The following ATP8A2 variants were observed in gnomAD, a reference collection of about 807,000 sequenced individuals.
The protein encoded by ATP8A2 is ATPase phospholipid transporting 8A2.
ATP8A2 carries 100 observed loss-of-function variants against 165.6 expected under a neutral mutation model. The observed-to-expected ratio is 0.60, with a 90% CI of 0.51 to 0.71. The LOEUF (loss-of-function observed/expected upper bound fraction) is 0.71. Ranked by LOEUF, ATP8A2 falls within the 30% of genes least tolerant of loss-of-function variation. The probability of loss-of-function intolerance (pLI) is 0.00; values close to 1 mark genes in which losing one functional copy is unlikely to be tolerated. For synonymous variants in ATP8A2, 543 were observed against 548.8 expected (o/e 0.99, Z 0.15); for missense variants, 1,227 against 1,479.5 (o/e 0.83, Z 2.80).
chr13:25,676,834 G>C (rs1473386639), intron 24 of ATP8A2, among the ~76,000 whole-genome samples: 2 of 152,102 alleles, frequency 1.3e-5, no homozygotes, highest in African/African-American at 4.8e-5. Flanking sequence ...CTTATTGGTA[G>C]AGTTATTCAA....
intron 33 of ATP8A2, among the ~76,000 whole-genome samples, chr13:25,875,235 A>G (rs1006520951): frequency 6.6e-5 from 10 of 151,958 alleles, no homozygotes; most frequent in Admixed American, 5.2e-4. Context: ...AAGATAGTAA[A>G]TCTTAAGTTT....
chr13:25,731,221 A>G (rs182222690), intron 25 of ATP8A2, among the ~76,000 whole-genome samples: 8 of 151,062 alleles, frequency 5.3e-5, no homozygotes, highest in Non-Finnish European at 4.4e-5. Context: ...AAGAGAAAGA[A>G]GAAAGAAGGA....
At chr13:25,571,780 G>A (rs1163087506) in intron 18 of ATP8A2, 88 bp downstream of exon 18, 2 of 1,139,950 alleles carry the variant, frequency 1.8e-6, no homozygotes, top group Non-Finnish European at 2.7e-6. Context: ...AAATATGATA[G>A]CTAAATTTCT....
chr13:25,855,679 A>G (rs1453965669), intron 30 of ATP8A2, among the ~76,000 whole-genome samples: 1 of 152,136 alleles, frequency 6.6e-6, no homozygotes, highest in African/African-American at 2.4e-5. Flanking sequence ...TTGGATGTGT[A>G]CCTAGGAGTA....
chr13:25,564,213 T>C (rs555236843), intron 16 of ATP8A2, among the ~76,000 whole-genome samples, 182 bp downstream of exon 16: 1 of 152,324 alleles, frequency 6.6e-6, no homozygotes, highest in Admixed American at 6.5e-5. Flanking sequence ...TATGCATAAA[T>C]TAGTGTATTT....
At chr13:25,725,121 C>A (rs1018849314) in intron 25 of ATP8A2, among the ~76,000 whole-genome samples, 9 of 152,196 alleles carry the variant, frequency 5.9e-5, no homozygotes, top group African/African-American at 2.2e-4. Context: ...TTATTGTCAT[C>A]TCTGAAGGCC....
chr13:25,964,729 C>A (rs1435894221), intron 34 of ATP8A2, among the ~76,000 whole-genome samples: 1 of 152,208 alleles, frequency 6.6e-6, no homozygotes, highest in Non-Finnish European at 1.5e-5. Flanking sequence ...CAGCTGAAGA[C>A]CCTACCCTGT....
intron 33 of ATP8A2, chr13:25,880,881 T>C (rs1251375181): frequency 2.2e-6 from 1 of 455,690 alleles, no homozygotes; most frequent in East Asian, 7.0e-5. Context: ...TGAAATATGT[T>C]TCATGATAAA....
chr13:25,383,545 G>C (rs568243282), intron 1 of ATP8A2, among the ~76,000 whole-genome samples: 2 of 152,178 alleles, frequency 1.3e-5, no homozygotes, highest in African/African-American at 4.8e-5. Context: ...TCTCTTAACA[G>C]TGTCTTTTGC....
intron 24 of ATP8A2, among the ~76,000 whole-genome samples, chr13:25,626,226 G>A (rs1162452358): frequency 1.3e-5 from 2 of 152,156 alleles, no homozygotes; most frequent in African/African-American, 2.4e-5. Context: ...ATAACAAAAT[G>A]CCACAGATTG....
chr13:25,474,610 T>C (rs559930360), intron 2 of ATP8A2, among the ~76,000 whole-genome samples: 2 of 151,966 alleles, frequency 1.3e-5, no homozygotes, highest in South Asian at 4.2e-4. Flanking sequence ...GAAAAAGGAA[T>C]TGAGCACTGT....
intron 27 of ATP8A2, among the ~76,000 whole-genome samples, chr13:25,819,369 C>T (rs1951107586): frequency 6.6e-6 from 1 of 152,118 alleles, no homozygotes; most frequent in Non-Finnish European, 1.5e-5. Flanking sequence ...GCCACTCCAT[C>T]CCATAATTTA....
intron 25 of ATP8A2, among the ~76,000 whole-genome samples, chr13:25,712,550 A>G (rs2043177964): frequency 6.6e-6 from 1 of 152,218 alleles, no homozygotes. Flanking sequence ...TATGAAATCC[A>G]TGTGCTACTG....
chr13:25,416,517 A>G (rs181423619), intron 1 of ATP8A2, among the ~76,000 whole-genome samples: 10 of 152,324 alleles, frequency 6.6e-5, no homozygotes, highest in Admixed American at 6.5e-4. Flanking sequence ...GCACCAGGTT[A>G]GAAGATGAGA....
intron 33 of ATP8A2, among the ~76,000 whole-genome samples, chr13:25,933,417 A>G (rs545812160): frequency 6.6e-6 from 1 of 152,310 alleles, no homozygotes; most frequent in African/African-American, 2.4e-5. Flanking sequence ...GCCTCTTAAT[A>G]CCATCTGCAA....
chr13:25,738,333 G>A (rs1046233556), intron 25 of ATP8A2, among the ~76,000 whole-genome samples: 34 of 43,158 alleles, frequency 7.9e-4, no homozygotes, highest in East Asian at 1.4e-3. Context: ...TTCTTTTTGT[G>A]CCCCCCTCCC....
In ATP8A2 at chr13:25,589,714, A is replaced by G. The variant is rs1467133041; in HGVS notation, c.2211+15A>G. ...ACTCTTTGGATGTAAGTAGTTTTTC[A>G]AAGTTGTATTTGCTTTGCTATAACA... On this transcript the variant is annotated intron_variant, in intron 24 of 36. Transcript: ENST00000381655. 3 of 1,551,822 alleles carry G rather than the reference A, an allele frequency of 1.9e-6. No individual in the cohort carries two copies. The highest frequency in any genetic ancestry group is 1.1e-5 in the South Asian group (1 of 89,008).
chr13:25,911,960 G>A (rs1045806647), intron 33 of ATP8A2, among the ~76,000 whole-genome samples: 1 of 152,098 alleles, frequency 6.6e-6, no homozygotes, highest in Admixed American at 6.5e-5. Flanking sequence ...ACTATATGGA[G>A]GTTCCTTAAA....
intron 36 of ATP8A2, 68 bp downstream of exon 36, chr13:26,012,690 T>TG (rs1956876000): frequency 2.9e-6 from 1 of 350,374 alleles, no homozygotes; most frequent in South Asian, 6.6e-5. Context: ...GATGAGGAGT[T>TG]GGGGGAGCGG....
Sources: allele counts gnomAD v4.1 joint callset (sites outside exome capture counted in the v4.1 genomes callset), GRCh38; gene constraint gnomAD v4.1.1; transcripts MANE v1.5; gene names NCBI Gene and HGNC (gene_info 2026-07-23, HGNC 2026-07-21).